The following MALRD1 variants were observed in gnomAD, a reference collection of about 807,000 sequenced individuals.
The protein encoded by MALRD1 is MAM and LDL-receptor class A domain-containing protein 1.
MALRD1 carries 247 observed loss-of-function variants against 242.1 expected under a neutral mutation model. That is an observed-to-expected ratio of 1.02 (90% CI 0.92 to 1.13). The LOEUF (loss-of-function observed/expected upper bound fraction) is 1.13, where lower values mean the gene tolerates loss of function less well. MALRD1 is among the 50% of genes most tolerant of loss of function. The probability of loss-of-function intolerance (pLI) is 0.00; values close to 1 mark genes in which losing one functional copy is unlikely to be tolerated. For missense variants in MALRD1, 2,989 were observed against 2,533.1 expected, an observed-to-expected ratio of 1.18 and a Z score of -3.86; for synonymous variants, 995 against 866.6, an observed-to-expected ratio of 1.15 and a Z score of -2.60.
At chr10:19,282,304 T>C (rs919874007) in intron 20 of MALRD1, among the ~76,000 whole-genome samples, 6 of 152,194 alleles carry the variant, frequency 3.9e-5, no homozygotes, top group Middle Eastern at 3.2e-3. Flanking sequence ...TTAACTCATA[T>C]ACCCAAATTT....
chr10:19,264,820 G>A (rs1489065991), intron 19 of MALRD1, among the ~76,000 whole-genome samples: 1 of 152,108 alleles, frequency 6.6e-6, no homozygotes. Context: ...AGTTTGATAA[G>A]GATTGGTATG....
At chr10:19,115,427 G>T (rs1002222674) in intron 5 of MALRD1, among the ~76,000 whole-genome samples, 3 of 151,162 alleles carry the variant, frequency 2.0e-5, no homozygotes, top group Non-Finnish European at 4.4e-5. Context: ...TAAAATAAAA[G>T]CTTTTTTTTT....
chr10:19,607,547 G>A (rs1214287797), intron 34 of MALRD1, among the ~76,000 whole-genome samples: 2 of 152,096 alleles, frequency 1.3e-5, no homozygotes, highest in African/African-American at 4.8e-5. Flanking sequence ...CAGTCCCTAA[G>A]AATGCACATC....
At chr10:19,697,331 T>C (rs1369554392) in intron 38 of MALRD1, among the ~76,000 whole-genome samples, 1 of 152,076 alleles carries the variant, frequency 6.6e-6, no homozygotes, top group African/African-American at 2.4e-5. Flanking sequence ...GTTTTGCATC[T>C]CAGTCTTGAG....
chr10:19,466,008 A>C (rs1388334728), intron 29 of MALRD1, among the ~76,000 whole-genome samples: 1 of 152,210 alleles, frequency 6.6e-6, no homozygotes, highest in East Asian at 1.9e-4. Context: ...TAAATAGAAA[A>C]ATTTCCTAAT....
intron 5 of MALRD1, among the ~76,000 whole-genome samples, chr10:19,110,292 C>A (rs979339338): frequency 1.3e-5 from 2 of 152,192 alleles, no homozygotes; most frequent in Middle Eastern, 3.2e-3. Flanking sequence ...ATGTTTCTTG[C>A]CACATAGACC....
intron 26 of MALRD1, 93 bp from the exon 27 acceptor site, chr10:19,387,435 T>C: frequency 7.2e-7 from 1 of 1,395,376 alleles, no homozygotes; most frequent in Non-Finnish European, 9.6e-7. Context: ...TGTTCCTTTA[T>C]AGATTAAAAT....
At chr10:19,159,150 T>G (rs1834290351) in intron 12 of MALRD1, among the ~76,000 whole-genome samples, 1 of 152,098 alleles carries the variant, frequency 6.6e-6, no homozygotes, top group Non-Finnish European at 1.5e-5. Context: ...ATAAGCTTGT[T>G]CAGGAAAAGA....
intron 18 of MALRD1, among the ~76,000 whole-genome samples, chr10:19,237,665 T>TTA (rs1173890040): frequency 1.9e-5 from 2 of 107,598 alleles, no homozygotes; most frequent in Non-Finnish European, 3.6e-5. Context: ...TATATATAAA[T>TTA]TATATAATTA....
At chr10:19,708,471 G>C (rs1295947028) in intron 38 of MALRD1, among the ~76,000 whole-genome samples, 1 of 106,916 alleles carries the variant, frequency 9.4e-6, no homozygotes, top group East Asian at 2.8e-4. Flanking sequence ...CTTAATAGCT[G>C]CAACCAGAGG....
intron 28 of MALRD1, among the ~76,000 whole-genome samples, chr10:19,404,478 C>T (rs1426536309): frequency 6.6e-6 from 1 of 152,024 alleles, no homozygotes; most frequent in Non-Finnish European, 1.5e-5. Context: ...CCTTGAAAAT[C>T]TTCCACTTAT....
chr10:19,704,359 C>G (rs1248268505), intron 38 of MALRD1, among the ~76,000 whole-genome samples: 1 of 152,150 alleles, frequency 6.6e-6, no homozygotes, highest in African/African-American at 2.4e-5. Flanking sequence ...TGAGGACCCT[C>G]TCTCTGGCTT....
chr10:19,595,519 A>C, intron 34 of MALRD1, 62 bp downstream of exon 34: 2 of 1,471,520 alleles, frequency 1.4e-6, no homozygotes, highest in Non-Finnish European at 1.8e-6. Context: ...ATGAGAAAGA[A>C]AGCTCGACAG....
intron 5 of MALRD1, 44 bp from the exon 6 acceptor site, chr10:19,123,448 G>A (rs1460081019): frequency 1.8e-6 from 2 of 1,114,158 alleles, no homozygotes; most frequent in Non-Finnish European, 2.3e-6. Flanking sequence ...AGTCTTTCCA[G>A]TTGCACCTGC....
chr10:19,419,946 A>G lies in MALRD1; in HGVS notation c.4845+30337A>G, dbSNP rs550527962. On this transcript the variant is annotated intron_variant, in intron 28 of 39. Coordinates refer to ENST00000454679, the MANE Select transcript of MALRD1 (RefSeq NM_001142308.3). ...AAAGTGTCACTCACTGTCCTCTATT[A>G]AATAGAAAGATCAAAGTGTTATATG... Among the ~76,000 whole-genome samples, 3 of 152,318 alleles carry G rather than the reference A, an allele frequency of 2.0e-5. No individual in the cohort carries two copies. The East Asian group carries it at 5.8e-4, about 29-fold the overall frequency.
At position 19,479,495 on chromosome 10, in the gene MALRD1, G is replaced by A. The variant is rs115992533; in HGVS notation, c.5030-12022G>A. On this transcript the variant is annotated intron_variant, in intron 29 of 39. Coordinates refer to ENST00000454679, the MANE Select transcript of MALRD1 (RefSeq NM_001142308.3). ...TGGCTTGGCTATTAAGTAACTACAT[G>A]AAATTAGGTAAGTGACATAAGAATT... is the stretch of plus-strand genomic sequence containing the variant. 5.1e-3 allele frequency among the ~76,000 whole-genome samples: 781 copies of A among 152,290 alleles called. 5 individuals are homozygous for A. Among genetic ancestry groups the A allele is most frequent in the African/African-American group, 0.018 (743 of 41,550 alleles).
intron 31 of MALRD1, among the ~76,000 whole-genome samples, chr10:19,519,483 T>C (rs1397392455): frequency 6.6e-6 from 1 of 152,200 alleles, no homozygotes; most frequent in Non-Finnish European, 1.5e-5. Context: ...GGTTCTAGAC[T>C]GGGCACAGAG....
chr10:19,458,000 C>T (rs1443015601), intron 29 of MALRD1, among the ~76,000 whole-genome samples: 3 of 152,000 alleles, frequency 2.0e-5, no homozygotes, highest in African/African-American at 7.2e-5. Context: ...TTGAACCAGA[C>T]CCAGGTCATA....
intron 32 of MALRD1, among the ~76,000 whole-genome samples, chr10:19,539,912 G>C (rs1834884495): frequency 8.7e-6 from 1 of 115,566 alleles, no homozygotes; most frequent in Non-Finnish European, 1.8e-5. Flanking sequence ...GCGCGCGTGC[G>C]CGCACACACG....
Sources: allele counts gnomAD v4.1 joint callset (sites outside exome capture counted in the v4.1 genomes callset), GRCh38; gene constraint gnomAD v4.1.1; transcripts MANE v1.5; gene names NCBI Gene and HGNC (gene_info 2026-07-23, HGNC 2026-07-21).